Variants in FANCL observed in about 807,000 individuals in gnomAD.
FANCL encodes the protein FA complementation group L.
A neutral mutation model predicts 59.4 loss-of-function variants in FANCL; 69 were observed. That is an observed-to-expected ratio of 1.16 (90% CI 0.96 to 1.42). The LOEUF (loss-of-function observed/expected upper bound fraction) is 1.42, where lower values mean the gene tolerates loss of function less well. Ranked by LOEUF, FANCL falls within the 40% of genes most tolerant of loss-of-function variation. The pLI is 0.00. For synonymous variants in FANCL, 180 were observed against 147.1 expected (o/e 1.22, Z -1.62); for missense variants, 519 against 447.2 (o/e 1.16, Z -1.45).
intron 1 of FANCL, among the ~76,000 whole-genome samples, chr2:58,233,284 T>C (rs999030037): frequency 2.6e-5 from 4 of 152,056 alleles, no homozygotes; most frequent in African/African-American, 9.7e-5. Context: ...TCTGAAAGAA[T>C]AAAATTCCAA....
intron 7 of FANCL, among the ~76,000 whole-genome samples, chr2:58,167,950 C>T (rs1268793228): frequency 6.6e-6 from 1 of 151,718 alleles, no homozygotes; most frequent in East Asian, 1.9e-4. Flanking sequence ...CACTAAAAAC[C>T]CTTATTTTGA....
intron 5 of FANCL, among the ~76,000 whole-genome samples, chr2:58,213,068 G>A (rs764661561): frequency 9.8e-4 from 149 of 152,168 alleles, no homozygotes; most frequent in Non-Finnish European, 1.5e-3. Context: ...ATCTAACAAG[G>A]ATTTTTCTGT....
intron 7 of FANCL, 52 bp from the exon 8 acceptor site, chr2:58,165,926 G>T: frequency 6.4e-7 from 1 of 1,567,402 alleles, no homozygotes; most frequent in Non-Finnish European, 8.8e-7. Context: ...ACCAATAGCA[G>T]ATAATCTTTT....
chr2:58,211,109 G>A (rs1412560447), intron 5 of FANCL, among the ~76,000 whole-genome samples: 5 of 152,126 alleles, frequency 3.3e-5, no homozygotes, highest in South Asian at 2.1e-4. Flanking sequence ...CTTCCCTTCC[G>A]CATTGTCCTA....
At chr2:58,219,688 A>C (rs1692282703) in intron 5 of FANCL, among the ~76,000 whole-genome samples, 1 of 152,088 alleles carries the variant, frequency 6.6e-6, no homozygotes, top group Non-Finnish European at 1.5e-5. Flanking sequence ...CAGAAATATA[A>C]ATCCTATATC....
chr2:58,240,987 C>G (rs1694480933), intron 1 of FANCL, among the ~76,000 whole-genome samples: 1 of 152,218 alleles, frequency 6.6e-6, no homozygotes, highest in South Asian at 2.1e-4. Flanking sequence ...GGCGTGGCCC[C>G]AGCCCCGCTC....
At chr2:58,176,358 C>T (rs1687310720) in intron 7 of FANCL, among the ~76,000 whole-genome samples, 1 of 151,964 alleles carries the variant, frequency 6.6e-6, no homozygotes. Context: ...CTGGAGGCAT[C>T]ACGCTACCTG....
rs1008126287 is a variant in FANCL at position 58,204,040 on chromosome 2, T to C, written c.471+90A>G. ...AGCATGATATATGTATTTTTAGATG[T>C]AACTAGCACTTCTTTACATTGAGAG... On this transcript the variant is annotated intron_variant, in intron 6 of 13. Transcript: ENST00000233741. The C allele has an allele frequency of 1.2e-4, 118 of 971,080 alleles. 1 individual carries two copies. In the Middle Eastern group the frequency reaches 1.4e-3, roughly 12 times the overall value. 60.2% of individuals were successfully genotyped at this position (971,080 alleles called of 1,614,324 possible).
chr2:58,190,350 A>G (rs929655676), intron 7 of FANCL, among the ~76,000 whole-genome samples: 1 of 151,994 alleles, frequency 6.6e-6, no homozygotes, highest in Non-Finnish European at 1.5e-5. Flanking sequence ...TCACAGAGTA[A>G]CTATAGCAAT....
chr2:58,204,348 G>A, intron 5 of FANCL, 122 bp from the exon 6 acceptor site: 1 of 800,080 alleles, frequency 1.2e-6, no homozygotes, highest in Admixed American at 1.9e-5. Context: ...ATAAAAATCA[G>A]AGCAATTTCT....
chr2:58,224,646 T>C (rs187463029), intron 4 of FANCL, among the ~76,000 whole-genome samples: 1 of 151,844 alleles, frequency 6.6e-6, no homozygotes, highest in Admixed American at 6.6e-5. Flanking sequence ...CAAAGAAATA[T>C]CAAAACTTTC....
intron 5 of FANCL, among the ~76,000 whole-genome samples, chr2:58,213,054 C>A (rs1245072514): frequency 1.3e-5 from 2 of 152,140 alleles, no homozygotes; most frequent in Non-Finnish European, 2.9e-5. Context: ...GCAAGGCCAG[C>A]ATTATCTAAC....
chr2:58,198,227 C>G lies in FANCL; in HGVS notation c.540+367G>C, dbSNP rs182961891. Among the ~76,000 whole-genome samples the G allele has an allele frequency of 2.6e-5, 4 of 152,228 alleles. No individual in the cohort carries two copies. The East Asian group carries it at 7.7e-4, about 29-fold the overall frequency. On this transcript the variant is annotated intron_variant, in intron 7 of 13. Coordinates refer to ENST00000233741, the MANE Select transcript of FANCL (RefSeq NM_018062.4). ...GAAAAAACAAAGATTACTTCATAACCTATAATGACTACCTAAGTAAAAACA... is the reference window on the plus strand; with the variant it reads ...GAAAAAACAAAGATTACTTCATAACGTATAATGACTACCTAAGTAAAAACA...
intron 7 of FANCL, among the ~76,000 whole-genome samples, chr2:58,173,506 T>C (rs9677908): frequency 0.038 from 5,753 of 152,226 alleles, 122 homozygotes; most frequent in East Asian, 0.095. Context: ...AAAAGAATTT[T>C]CAACCCAGAA....
chr2:58,186,027 C>A (rs537821255), intron 7 of FANCL, among the ~76,000 whole-genome samples: 1 of 152,216 alleles, frequency 6.6e-6, no homozygotes, highest in South Asian at 2.1e-4. Context: ...GTTAGTTATA[C>A]AGTAGTCACA....
At chr2:58,168,765 A>G (rs1210826001) in intron 7 of FANCL, among the ~76,000 whole-genome samples, 2 of 152,074 alleles carry the variant, frequency 1.3e-5, no homozygotes, top group Non-Finnish European at 2.9e-5. Context: ...TGGTGGGGGA[A>G]GGGACATCCA....
rs148516173 is a variant in FANCL, at chr2:58,232,067, G to C, written c.142C>G (p.Leu48Val). The change falls in exon 2 of 14, where the codon CTG becomes GTG. Residue 48 changes from leucine (L) to valine (V), a missense_variant. Transcript: ENST00000233741. ...ACACCATATCACCTTGCATTCTTCA[G>C]TTGTAAATCTTCAGGCAACACTATC... ...LRIVLPEDLQ[L>V]KNARLLCSWQ... 67 of 1,613,282 alleles carry C rather than the reference G, an allele frequency of 4.2e-5. No homozygotes were observed. The African/African-American group carries it at 7.2e-4, about 17-fold the overall frequency.
At chr2:58,189,808 T>G (rs1192761934) in intron 7 of FANCL, among the ~76,000 whole-genome samples, 1 of 152,108 alleles carries the variant, frequency 6.6e-6, no homozygotes, top group Admixed American at 6.5e-5. Flanking sequence ...TGTGATCTTT[T>G]GTGCTATGAT....
At chr2:58,165,906 A>G (rs751931283) in intron 7 of FANCL, 32 bp from the exon 8 acceptor site, 3 of 1,599,862 alleles carry the variant, frequency 1.9e-6, no homozygotes, top group South Asian at 2.2e-5. Flanking sequence ...AATAAGTTAT[A>G]TGGTACTCTA....
Sources: gnomAD v4.1 joint callset for allele counts (sites outside exome capture counted in the v4.1 genomes callset) on GRCh38, gnomAD v4.1.1 for gene constraint, MANE v1.5 for transcripts, NCBI Gene and HGNC (gene_info 2026-07-23, HGNC 2026-07-21) for gene names.